The following AKAP13 variants were observed in gnomAD, a reference collection of about 807,000 sequenced individuals.
AKAP13 encodes the protein A-kinase anchoring protein 13, also known as A-kinase anchor protein 13.
AKAP13 carries 80 observed loss-of-function variants against 264.5 expected under a neutral mutation model. That is an observed-to-expected ratio of 0.30 (90% CI 0.25 to 0.36). AKAP13 has a LOEUF of 0.36. Ranked by LOEUF, AKAP13 falls within the 10% of genes least tolerant of loss-of-function variation. The probability of loss-of-function intolerance (pLI) is 1.00; values close to 1 mark genes in which losing one functional copy is unlikely to be tolerated. For synonymous variants in AKAP13, 1,380 were observed against 1,250.2 expected, an observed-to-expected ratio of 1.10 and a Z score of -2.19; for missense variants, 3,712 against 3,435.2, an observed-to-expected ratio of 1.08 and a Z score of -2.01.
rs78778638 is a variant in AKAP13 at position 85,386,737 on chromosome 15, T to A, written c.-12+5939T>A. 1.9e-3 allele frequency among the ~76,000 whole-genome samples: 282 copies of A among 152,278 alleles called. 3 individuals are homozygous for A. Among genetic ancestry groups the A allele is most frequent in the African/African-American group, 6.5e-3 (271 of 41,572 alleles). ...CCAGCAACAGTTTTTGAAAAGACTGTCCTTTCTCTGTTGATTACCTTTGTG... is the reference window on the plus strand; with the variant it reads ...CCAGCAACAGTTTTTGAAAAGACTGACCTTTCTCTGTTGATTACCTTTGTG... On this transcript the variant is annotated intron_variant, in intron 1 of 36. Coordinates refer to ENST00000394518, the MANE Select transcript of AKAP13 (RefSeq NM_007200.5).
In AKAP13 at chr15:85,428,899, T is replaced by C. The variant is rs372192879; in HGVS notation, c.-12+48101T>C. ...GTTTCCACCTGGAGAGGAAGGGAACTAATCTTTATTGAACACTTAAGATGT... is the reference window on the plus strand; with the variant it reads ...GTTTCCACCTGGAGAGGAAGGGAACCAATCTTTATTGAACACTTAAGATGT... On this transcript the variant is annotated intron_variant, in intron 1 of 36. Coordinates refer to ENST00000394518, the MANE Select transcript of AKAP13 (RefSeq NM_007200.5). 1.4e-4 allele frequency among the ~76,000 whole-genome samples: 21 copies of C among 152,364 alleles called. No individual in the cohort carries two copies. In the East Asian group the frequency reaches 3.5e-3, roughly 25 times the overall value.
At chr15:85,619,811 G>A in intron 8 of AKAP13, 1 of 1,218,166 alleles carries the variant, frequency 8.2e-7, no homozygotes. Context: ...ATAGCATTAG[G>A]TGGTATTTAT....
chr15:85,656,211 C>CTGAA (rs1218477721), intron 11 of AKAP13, among the ~76,000 whole-genome samples: 1 of 152,184 alleles, frequency 6.6e-6, no homozygotes, highest in African/African-American at 2.4e-5. Context: ...ACATCAAAGT[C>CTGAA]TTTCAGAGTA....
chr15:85,553,093 T>C (rs1230990120), intron 5 of AKAP13, among the ~76,000 whole-genome samples: 1 of 150,498 alleles, frequency 6.6e-6, no homozygotes, highest in Non-Finnish European at 1.5e-5. Context: ...TCTTTTTTTT[T>C]TTTTTTTTTG....
In AKAP13 at chr15:85,580,310, C is replaced by G. The variant is rs747275728; in HGVS notation, c.2242C>G (p.Leu748Val). The change falls in exon 7 of 37, where the codon CTA becomes GTA. Residue 748 changes from leucine (L) to valine (V), a missense_variant. Physicochemically the swap from Leu to Val is conservative, Grantham distance 32. Coordinates refer to ENST00000394518, the MANE Select transcript of AKAP13 (RefSeq NM_007200.5). The part of the protein sequence containing the change: ...DNKGQRKDVK[L>V]DKPLTNMLEV... Reference sequence around the variant, plus strand: ...CAAAGGCCAACGAAAAGATGTGAAACTAGATAAACCTTTAACAAATATGCT... The same window carrying G: ...CAAAGGCCAACGAAAAGATGTGAAAGTAGATAAACCTTTAACAAATATGCT... 6.2e-7 allele frequency: 1 copy of G among 1,614,178 alleles called. No homozygotes were observed. Among genetic ancestry groups the G allele is most frequent in the Non-Finnish European group, 8.5e-7 (1 of 1,180,026 alleles).
chr15:85,443,778 T>A (rs1028021469), intron 1 of AKAP13, among the ~76,000 whole-genome samples: 4 of 150,382 alleles, frequency 2.7e-5, no homozygotes, highest in Non-Finnish European at 5.9e-5. Context: ...AAAAAGTGTG[T>A]GTGTGTGTGT....
At chr15:85,730,062 A>C (rs1476235786) in intron 29 of AKAP13, among the ~76,000 whole-genome samples, 2 of 152,182 alleles carry the variant, frequency 1.3e-5, no homozygotes, top group Non-Finnish European at 2.9e-5. Context: ...CCTGAGAAAG[A>C]ATGGTAGGAA....
chr15:85,400,854 A>G (rs1013681136), intron 1 of AKAP13, among the ~76,000 whole-genome samples: 3 of 117,740 alleles, frequency 2.5e-5, no homozygotes, highest in Admixed American at 9.3e-5. Context: ...ATATATATAT[A>G]TATGTATATA....
intron 1 of AKAP13, among the ~76,000 whole-genome samples, chr15:85,407,036 A>C (rs896356804): frequency 2.0e-5 from 3 of 151,714 alleles, no homozygotes; most frequent in African/African-American, 7.3e-5. Flanking sequence ...TGCTAGTTAC[A>C]AGTAGTATAA....
intron 6 of AKAP13, among the ~76,000 whole-genome samples, chr15:85,576,948 A>G (rs1318909608): frequency 6.6e-6 from 1 of 152,192 alleles, no homozygotes; most frequent in Non-Finnish European, 1.5e-5. Context: ...TCTTTAGGCA[A>G]CACTACTTGT....
At position 85,682,307 on chromosome 15, in the gene AKAP13, C is replaced by G. The variant is rs1403471977; in HGVS notation, c.5156+95C>G. ...AATTACGTAAACTAAGTTAATTGAG[C>G]TTATTGGGTTCTTCTTTGAGTGATA... On this transcript the variant is annotated intron_variant, in intron 15 of 36. Coordinates refer to ENST00000394518, the MANE Select transcript of AKAP13 (RefSeq NM_007200.5). 8 of 1,245,342 alleles carry G rather than the reference C, an allele frequency of 6.4e-6. No homozygotes were observed. The African/African-American group carries it at 1.1e-4, about 16-fold the overall frequency. 77.1% of individuals were successfully genotyped at this position (1,245,342 alleles called of 1,614,324 possible). A position where few individuals can be genotyped will look rare whatever the true frequency, so the allele number is the denominator to read the frequency against.
chr15:85,391,977 G>A (rs952157724), intron 1 of AKAP13, among the ~76,000 whole-genome samples: 1 of 151,632 alleles, frequency 6.6e-6, no homozygotes, highest in African/African-American at 2.4e-5. Context: ...TAGAGATGAG[G>A]TTTCACCATG....
At chr15:85,509,515 T>C (rs1055173713) in intron 2 of AKAP13, among the ~76,000 whole-genome samples, 2 of 152,202 alleles carry the variant, frequency 1.3e-5, no homozygotes, top group African/African-American at 2.4e-5. Context: ...TTCTGTTTTC[T>C]AGCTTGATGG....
intron 1 of AKAP13, among the ~76,000 whole-genome samples, chr15:85,381,328 C>T (rs2070242390): frequency 6.6e-6 from 1 of 151,950 alleles, no homozygotes; most frequent in African/African-American, 2.4e-5. Context: ...GCCGCGCCTG[C>T]CTGTCGGTGC....
intron 1 of AKAP13, among the ~76,000 whole-genome samples, chr15:85,470,833 G>A (rs1212174443): frequency 6.6e-6 from 1 of 152,196 alleles, no homozygotes; most frequent in Non-Finnish European, 1.5e-5. Context: ...GAGAAACAGA[G>A]ATGCAGTATC....
chr15:85,418,980 G>C (rs1042130678), intron 1 of AKAP13, among the ~76,000 whole-genome samples: 1 of 152,206 alleles, frequency 6.6e-6, no homozygotes, highest in East Asian at 1.9e-4. Flanking sequence ...ATGTTCAGAT[G>C]TTAAAATAAG....
At chr15:85,576,504 A>G (rs1393857931) in intron 6 of AKAP13, among the ~76,000 whole-genome samples, 1 of 150,606 alleles carries the variant, frequency 6.6e-6, no homozygotes, top group East Asian at 1.9e-4. Flanking sequence ...CATAAACGTC[A>G]TATGTGTACA....
chr15:85,510,372 A>T (rs1399661277), intron 2 of AKAP13, among the ~76,000 whole-genome samples: 2 of 152,224 alleles, frequency 1.3e-5, no homozygotes, highest in Non-Finnish European at 2.9e-5. Context: ...ATATGTATTA[A>T]TATAGCATTT....
chr15:85,466,578 C>T (rs562990608), intron 1 of AKAP13, among the ~76,000 whole-genome samples: 2 of 152,130 alleles, frequency 1.3e-5, no homozygotes, highest in Non-Finnish European at 2.9e-5. Flanking sequence ...ATATGGCTAG[C>T]CAGTTTTCCC....
Sources: gnomAD v4.1 joint callset for allele counts (sites outside exome capture counted in the v4.1 genomes callset) on GRCh38, gnomAD v4.1.1 for gene constraint, MANE v1.5 for transcripts, NCBI Gene and HGNC (gene_info 2026-07-23, HGNC 2026-07-21) for gene names.